Variants in LRRC59 observed in about 807,000 individuals in gnomAD.
The protein encoded by LRRC59 is leucine-rich repeat-containing protein 59.
A neutral mutation model predicts 33.5 loss-of-function variants in LRRC59; 18 were observed. The ratio of observed to expected loss-of-function variants is 0.54; its 90% CI spans 0.37 to 0.80. The LOEUF is 0.80. LRRC59 is among the 30% of genes least tolerant of loss of function. The pLI is 0.00. For missense variants in LRRC59, 330 were observed against 391.9 expected, an observed-to-expected ratio of 0.84 and a Z score of 1.33; for synonymous variants, 138 against 160.0, an observed-to-expected ratio of 0.86 and a Z score of 1.04.
chr17:50,393,867 AT>A (rs1462280481), intron 2 of LRRC59, among the ~76,000 whole-genome samples: 2 of 152,072 alleles, frequency 1.3e-5, no homozygotes, highest in Non-Finnish European at 2.9e-5. Context: ...TTTATTTTTA[AT>A]TTTTTAGAGG....
At chr17:50,386,501 A>G (rs1419921404) in intron 5 of LRRC59, among the ~76,000 whole-genome samples, 1 of 152,218 alleles carries the variant, frequency 6.6e-6, no homozygotes, top group Non-Finnish European at 1.5e-5. Flanking sequence ...GTTAGCCATA[A>G]TGTAGCTGAA....
At chr17:50,384,258 G>A (rs747305571) in intron 6 of LRRC59, among the ~76,000 whole-genome samples, 3 of 151,998 alleles carry the variant, frequency 2.0e-5, no homozygotes, top group East Asian at 2.0e-4. Flanking sequence ...CAGGCTGGTC[G>A]TAAATGATCC....
rs556084275 is a variant in LRRC59, at chr17:50,390,364, C to A, written c.429+2034G>T. 1.3e-4 allele frequency among the ~76,000 whole-genome samples: 19 copies of A among 151,824 alleles called. 1 individual carries two copies. Among genetic ancestry groups the A allele is most frequent in the Middle Eastern group, 6.8e-3 (2 of 294 alleles). ...AAAATTAGCCAGTCATGGTGGCATG[C>A]CCCTGTAATCCCAGCTACTTGGGAA... On this transcript the variant is annotated intron_variant, in intron 4 of 6. Transcript: ENST00000225972.
At chr17:50,391,476 A>T (rs1373227186) in intron 4 of LRRC59, among the ~76,000 whole-genome samples, 1 of 152,226 alleles carries the variant, frequency 6.6e-6, no homozygotes, top group African/African-American at 2.4e-5. Flanking sequence ...CAAGTTAGTC[A>T]TCTGGTGCTC....
At chr17:50,391,335 C>T (rs547485234) in intron 4 of LRRC59, among the ~76,000 whole-genome samples, 1 of 152,296 alleles carries the variant, frequency 6.6e-6, no homozygotes, top group Admixed American at 6.5e-5. Flanking sequence ...ATATAAGAAG[C>T]CCTGAGCTAA....
chr17:50,385,378 G>C, intron 5 of LRRC59, 87 bp from the exon 6 acceptor site: 1 of 1,386,352 alleles, frequency 7.2e-7, no homozygotes, highest in South Asian at 1.3e-5. Context: ...TACAGATTCT[G>C]CCACCTTTAC....
chr17:50,385,192 T>C lies in LRRC59; in HGVS notation c.602A>G (p.Lys201Arg), dbSNP rs1308956726. The C allele has an allele frequency of 2.5e-6, 4 of 1,614,200 alleles. No homozygotes were observed. In the South Asian group the frequency reaches 4.4e-5, roughly 18 times the overall value. ...GGCTGCTTTGAGGGCATCATACTCC[T>C]TTCTCCGGCGCTCCTTCTCTTCCGC... ...EKAEEKERRRKEYDALKAAKR... is the reference protein window; with the variant it reads ...EKAEEKERRRREYDALKAAKR... The change falls in exon 6 of 7, where the codon AAG (lysine) becomes AGG (arginine). Residue 201 changes from lysine to arginine, a missense_variant. Physicochemically the swap from Lys to Arg is conservative, Grantham distance 26. Transcript: ENST00000225972.
At chr17:50,392,972 A>G (rs1433345514) in intron 2 of LRRC59, 75 bp from the exon 3 acceptor site, 11 of 1,387,950 alleles carry the variant, frequency 7.9e-6, no homozygotes, top group Non-Finnish European at 1.1e-5. Context: ...GTGGCCCAAT[A>G]CAAATTTGTA....
intron 2 of LRRC59, 83 bp downstream of exon 2, chr17:50,394,846 T>G: frequency 2.1e-6 from 2 of 960,488 alleles, no homozygotes; most frequent in Non-Finnish European, 3.3e-6. Context: ...TATGACACCC[T>G]CCCACCCCCC....
At chr17:50,395,072 G>C (rs982058248) in intron 1 of LRRC59, 84 bp from the exon 2 acceptor site, 1 of 937,166 alleles carries the variant, frequency 1.1e-6, no homozygotes, top group Non-Finnish European at 1.7e-6. Flanking sequence ...ATTTTCCAGA[G>C]AATGTTCCCA....
intron 2 of LRRC59, 94 bp from the exon 3 acceptor site, chr17:50,392,991 T>G (rs1800563861): frequency 1.6e-6 from 2 of 1,235,256 alleles, no homozygotes; most frequent in East Asian, 2.4e-5. Context: ...TAACCTTTCT[T>G]AAAACATTAC....
intron 2 of LRRC59, among the ~76,000 whole-genome samples, chr17:50,394,618 A>C (rs1257681861): frequency 6.6e-6 from 1 of 152,172 alleles, no homozygotes; most frequent in Non-Finnish European, 1.5e-5. Flanking sequence ...TATTTTTCAG[A>C]GGAATAAAAT....
chr17:50,389,599 G>C (rs1461801811), intron 4 of LRRC59, among the ~76,000 whole-genome samples: 1 of 152,152 alleles, frequency 6.6e-6, no homozygotes, highest in Non-Finnish European at 1.5e-5. Flanking sequence ...GAAAAAAGAA[G>C]AAAACCCAAA....
chr17:50,391,376 T>C (rs1394140262), intron 4 of LRRC59, among the ~76,000 whole-genome samples: 2 of 152,242 alleles, frequency 1.3e-5, no homozygotes, highest in African/African-American at 4.8e-5. Context: ...TCTTACTCTC[T>C]ACTTGAGACA....
At chr17:50,391,782 C>G (rs1914149944) in intron 4 of LRRC59, among the ~76,000 whole-genome samples, 1 of 152,198 alleles carries the variant, frequency 6.6e-6, no homozygotes. Context: ...AAGGCCACAG[C>G]CCCTAACCCC....
At chr17:50,390,768 G>A (rs376420959) in intron 4 of LRRC59, among the ~76,000 whole-genome samples, 48 of 152,290 alleles carry the variant, frequency 3.2e-4, no homozygotes, top group East Asian at 1.5e-3. Flanking sequence ...GCAGACAGAC[G>A]ACCTGATTCT....
intron 4 of LRRC59, among the ~76,000 whole-genome samples, chr17:50,391,079 C>T (rs896337302): frequency 6.6e-6 from 1 of 152,064 alleles, no homozygotes; most frequent in Non-Finnish European, 1.5e-5. Context: ...AAAGTAATGC[C>T]GACTCCTCAG....
At position 50,397,249 on chromosome 17, in the gene LRRC59, G is replaced by A; in HGVS notation, c.69C>T (p.Ser23=). The A allele has an allele frequency of 6.2e-7, 1 of 1,608,492 alleles. No individual in the cohort carries two copies. The highest frequency in any genetic ancestry group is 8.5e-7 in the Non-Finnish European group (1 of 1,177,872). Residue 23 remains serine, a synonymous_variant, in exon 1 of 7, where the codon AGC becomes AGT. Coordinates refer to ENST00000225972, the MANE Select transcript of LRRC59 (RefSeq NM_018509.4). ...DKLDGNELDL[S]LSDLNEVPVK... ...CCGGGACCTCATTCAGGTCGCTGAG[G>A]CTCAGGTCCAGTTCGTTGCCGTCCA...
chr17:50,391,080 G>A (rs945240402), intron 4 of LRRC59, among the ~76,000 whole-genome samples: 3 of 152,190 alleles, frequency 2.0e-5, no homozygotes, highest in South Asian at 2.1e-4. Flanking sequence ...AAGTAATGCC[G>A]ACTCCTCAGG....
Sources: gnomAD v4.1 joint callset for allele counts (sites outside exome capture counted in the v4.1 genomes callset) on GRCh38, gnomAD v4.1.1 for gene constraint, MANE v1.5 for transcripts, NCBI Gene and HGNC (gene_info 2026-07-23, HGNC 2026-07-21) for gene names.